The following BIRC6 variants were observed in gnomAD, a reference collection of about 807,000 sequenced individuals.
The protein encoded by BIRC6 is baculoviral IAP repeat containing 6.
Under a neutral mutation model 503.3 loss-of-function variants are expected in BIRC6, and 98 were observed. That is an observed-to-expected ratio of 0.19 (90% CI 0.17 to 0.23). The LOEUF is 0.23. Among genes scored for constraint, BIRC6 ranks in the 10% least tolerant of loss-of-function variants. BIRC6 has a pLI of 1.00. For synonymous variants in BIRC6, 2,240 were observed against 2,078.7 expected (o/e 1.08, Z -2.11); for missense variants, 5,360 against 5,806.0 (o/e 0.92, Z 2.50).
chr2:32,602,121 C>A (rs968616763), intron 70 of BIRC6, among the ~76,000 whole-genome samples: 1 of 152,130 alleles, frequency 6.6e-6, no homozygotes, highest in African/African-American at 2.4e-5. Flanking sequence ...ATCAGAATCT[C>A]GAAGAGATAT....
chr2:32,595,494 T>G (rs2061622914), intron 68 of BIRC6, among the ~76,000 whole-genome samples: 1 of 152,228 alleles, frequency 6.6e-6, no homozygotes, highest in African/African-American at 2.4e-5. Context: ...CTGTTACTCT[T>G]GCCATTTTAG....
intron 13 of BIRC6, among the ~76,000 whole-genome samples, chr2:32,435,123 G>A (rs1412592474): frequency 6.6e-6 from 1 of 152,116 alleles, no homozygotes; most frequent in African/African-American, 2.4e-5. Flanking sequence ...GTTCATATGT[G>A]TGCAGTCTTT....
At chr2:32,423,773 A>T (rs1037723992) in intron 10 of BIRC6, among the ~76,000 whole-genome samples, 1 of 152,128 alleles carries the variant, frequency 6.6e-6, no homozygotes, top group African/African-American at 2.4e-5. Context: ...AACAATTGAT[A>T]ATTATTAAAT....
intron 19 of BIRC6, among the ~76,000 whole-genome samples, chr2:32,443,087 T>A (rs2045597053): frequency 6.6e-6 from 1 of 152,224 alleles, no homozygotes; most frequent in Admixed American, 6.5e-5. Flanking sequence ...TGATAAAAGT[T>A]ACATGAATGT....
intron 23 of BIRC6, among the ~76,000 whole-genome samples, chr2:32,456,132 T>G (rs1286093249): frequency 6.6e-6 from 1 of 152,240 alleles, no homozygotes; most frequent in African/African-American, 2.4e-5. Context: ...ATTTATTTCT[T>G]CCTCATTTTC....
chr2:32,494,444 T>C (rs1018815142), intron 45 of BIRC6, among the ~76,000 whole-genome samples: 1 of 151,672 alleles, frequency 6.6e-6, no homozygotes, highest in African/African-American at 2.4e-5. Context: ...GCCAGGGTGG[T>C]CTCGATCTCC....
intron 10 of BIRC6, among the ~76,000 whole-genome samples, chr2:32,422,743 C>T (rs1043347088): frequency 6.6e-6 from 1 of 152,086 alleles, no homozygotes; most frequent in Non-Finnish European, 1.5e-5. Flanking sequence ...TCCTCTCTTA[C>T]TATGTTTTAA....
chr2:32,536,043 T>C (rs2057207994), intron 61 of BIRC6, among the ~76,000 whole-genome samples: 4 of 152,234 alleles, frequency 2.6e-5, no homozygotes, highest in Admixed American at 2.0e-4. Flanking sequence ...GATTTGCATT[T>C]CTCTGATGGC....
chr2:32,381,560 G>A (rs1461935179), intron 3 of BIRC6, among the ~76,000 whole-genome samples: 1 of 137,352 alleles, frequency 7.3e-6, no homozygotes, highest in Non-Finnish European at 1.6e-5. Flanking sequence ...TTTTTTTTTG[G>A]TTCGAGACAG....
intron 16 of BIRC6, among the ~76,000 whole-genome samples, chr2:32,440,751 T>TTTTTTTATTATTATTATTATTATTATTA (rs773312894): frequency 6.9e-4 from 101 of 147,150 alleles, no homozygotes; most frequent in Non-Finnish European, 1.2e-3. Flanking sequence ...TGTTTATTTA[T>TTTTTTTATTATTATTATTATTATTATTA]TTATTATTAT....
At chr2:32,581,309 CAT>C (rs1468686070) in intron 66 of BIRC6, among the ~76,000 whole-genome samples, 2 of 152,066 alleles carry the variant, frequency 1.3e-5, no homozygotes, top group Non-Finnish European at 2.9e-5. Context: ...AAAGAGAACT[CAT>C]ATGATGGTGA....
intron 66 of BIRC6, among the ~76,000 whole-genome samples, chr2:32,587,369 A>G (rs762473758): frequency 9.2e-5 from 14 of 152,186 alleles, no homozygotes; most frequent in Non-Finnish European, 1.9e-4. Flanking sequence ...CCTGGGCAAC[A>G]GAACGAGACT....
intron 37 of BIRC6, 94 bp downstream of exon 37, chr2:32,479,711 A>G (rs947940198): frequency 5.2e-6 from 6 of 1,149,248 alleles, no homozygotes; most frequent in Non-Finnish European, 7.2e-6. Context: ...TGATTTTTAT[A>G]TTTTTCTATT....
chr2:32,439,497 C>T lies in BIRC6; in HGVS notation c.3632-11C>T, dbSNP rs879264209. 6.2e-7 allele frequency: 1 copy of T among 1,608,996 alleles called. No homozygotes were observed. The highest frequency in any genetic ancestry group is 1.7e-4 in the Middle Eastern group (1 of 6,038). On this transcript the variant is annotated splice_polypyrimidine_tract_variant and intron_variant, in intron 15 of 73. Transcript: ENST00000421745. ...TTCAGTTATTTTCCCCATTCTACTC[C>T]ACTTCTCTAGGTATGGCAGGAGGAA...
In BIRC6 at chr2:32,467,976, C is replaced by T; in HGVS notation, c.5645C>T (p.Thr1882Ile). 1 of 1,613,662 alleles carries T rather than the reference C, an allele frequency of 6.2e-7. No individual in the cohort carries two copies. Among genetic ancestry groups the T allele is most frequent in the Non-Finnish European group, 8.5e-7 (1 of 1,179,782 alleles). ...KIPLGFYYGHTYILPWESELK... is the reference protein window; with the variant it reads ...KIPLGFYYGHIYILPWESELK... ...CCATTAGGATTTTACTATGGTCATA[C>T]CTACATCTTGCCTTGGGAAAGTGAA... The change falls in exon 28 of 74, where the codon ACC becomes ATC. Residue 1882 changes from threonine (T) to isoleucine (I), a missense_variant. By Grantham distance (89) the Thr-to-Ile change is moderately conservative. Around this residue, in one of 16 missense-constraint regions of BIRC6, gnomAD observed 2,299 missense variants for 2,267.2 expected, o/e 1.01. Coordinates refer to ENST00000421745, the MANE Select transcript of BIRC6 (RefSeq NM_016252.4).
intron 66 of BIRC6, among the ~76,000 whole-genome samples, chr2:32,582,855 CTTA>C (rs949499680): frequency 2.6e-5 from 4 of 152,146 alleles, no homozygotes; most frequent in African/African-American, 7.2e-5. Flanking sequence ...TTGTAGTTCT[CTTA>C]TTATAGAGTT....
At chr2:32,576,554 C>T (rs1450205168) in intron 66 of BIRC6, among the ~76,000 whole-genome samples, 2 of 152,146 alleles carry the variant, frequency 1.3e-5, no homozygotes, top group South Asian at 2.1e-4. Context: ...ATGTCATTTA[C>T]CGTATTTACT....
chr2:32,474,645 T>C (rs1051578808), intron 33 of BIRC6, among the ~76,000 whole-genome samples: 26 of 152,232 alleles, frequency 1.7e-4, no homozygotes, highest in African/African-American at 5.5e-4. Context: ...GGTTACTAAC[T>C]TACTGCCAAA....
chr2:32,430,712 G>A (rs1405527584), intron 11 of BIRC6, among the ~76,000 whole-genome samples, 153 bp from the exon 12 acceptor site: 1 of 151,234 alleles, frequency 6.6e-6, no homozygotes, highest in African/African-American at 2.4e-5. Flanking sequence ...GTTATATATA[G>A]ATACCTGAGC....
Sources: gnomAD v4.1 joint callset for allele counts (sites outside exome capture counted in the v4.1 genomes callset) on GRCh38, gnomAD v4.1.1 for gene constraint, gnomAD v4.1.1 regional missense constraint, MANE v1.5 for transcripts, NCBI Gene and HGNC (gene_info 2026-07-23, HGNC 2026-07-21) for gene names.